Variants in DGKB observed in about 807,000 individuals in gnomAD.
The protein encoded by DGKB is 90 kDa diacylglycerol kinase.
DGKB carries 67 observed loss-of-function variants against 114.3 expected under a neutral mutation model. The ratio of observed to expected loss-of-function variants is 0.59; its 90% CI spans 0.48 to 0.72. The LOEUF is 0.72. Ranked by LOEUF, DGKB falls within the 30% of genes least tolerant of loss-of-function variation. DGKB has a pLI of 0.00. For synonymous variants in DGKB, 398 were observed against 323.1 expected, an observed-to-expected ratio of 1.23 and a Z score of -2.49; for missense variants, 907 against 975.2, an observed-to-expected ratio of 0.93 and a Z score of 0.93.
chr7:14,485,626 C>T (rs1055411999), intron 20 of DGKB, among the ~76,000 whole-genome samples: 1 of 151,608 alleles, frequency 6.6e-6, no homozygotes, highest in African/African-American at 2.4e-5. Context: ...TGGCCGGGTG[C>T]GGTGGCTCAC....
intron 23 of DGKB, among the ~76,000 whole-genome samples, chr7:14,211,093 C>T (rs933922132): frequency 1.3e-5 from 2 of 152,006 alleles, no homozygotes; most frequent in African/African-American, 4.8e-5. Flanking sequence ...ACTGTGTTCT[C>T]CTACTCACCT....
At chr7:14,463,251 G>A (rs1833350554) in intron 21 of DGKB, among the ~76,000 whole-genome samples, 1 of 152,032 alleles carries the variant, frequency 6.6e-6, no homozygotes, top group South Asian at 2.1e-4. Context: ...AGGGGGTGGG[G>A]GGCCTAGGGA....
intron 21 of DGKB, among the ~76,000 whole-genome samples, chr7:14,358,541 A>G (rs1815051328): frequency 2.0e-5 from 3 of 152,172 alleles, no homozygotes; most frequent in Non-Finnish European, 4.4e-5. Context: ...ACATGATTGT[A>G]TATTTAGAAA....
At chr7:14,696,501 C>CAAA (rs35486620) in intron 8 of DGKB, among the ~76,000 whole-genome samples, 549 of 45,094 alleles carry the variant, frequency 0.012, 35 homozygotes, top group East Asian at 0.019. Context: ...GACTCCGTCT[C>CAAA]AAAAAAAAAA....
intron 2 of DGKB, among the ~76,000 whole-genome samples, chr7:14,769,113 GAAAGAAAGAA>G (rs1158113616): frequency 1.9e-4 from 22 of 114,300 alleles, no homozygotes; most frequent in South Asian, 2.8e-4. Context: ...AAGAAAGAAA[GAAAGAAAGAA>G]AGAGAGAGAG....
At chr7:14,922,427 T>C (rs1050399574) in intron 1 of DGKB, among the ~76,000 whole-genome samples, 2 of 149,362 alleles carry the variant, frequency 1.3e-5, no homozygotes, top group African/African-American at 5.0e-5. Flanking sequence ...TCAGACTTAT[T>C]AGGGGAGTAG....
At chr7:14,476,909 C>T (rs570353061) in intron 21 of DGKB, among the ~76,000 whole-genome samples, 7 of 152,050 alleles carry the variant, frequency 4.6e-5, no homozygotes, top group African/African-American at 1.7e-4. Context: ...CACCCACCAC[C>T]ACGCCCTCAT....
intron 21 of DGKB, among the ~76,000 whole-genome samples, chr7:14,346,244 A>C (rs1812453826): frequency 6.6e-6 from 1 of 151,872 alleles, no homozygotes; most frequent in Non-Finnish European, 1.5e-5. Flanking sequence ...TTGACAATTA[A>C]AAAGACATTT....
intron 21 of DGKB, among the ~76,000 whole-genome samples, chr7:14,418,392 TAC>T (rs68166303): frequency 7.3e-6 from 1 of 137,070 alleles, no homozygotes; most frequent in African/African-American, 2.8e-5. Context: ...TATATATATA[TAC>T]ACACACACAT....
chr7:14,946,097 T>A (rs562343253), intron 1 of DGKB, among the ~76,000 whole-genome samples: 1 of 150,440 alleles, frequency 6.6e-6, no homozygotes, highest in South Asian at 2.1e-4. Flanking sequence ...ATGGGTATTC[T>A]TGAGATCTCT....
At chr7:14,813,915 T>C (rs1418576867) in intron 2 of DGKB, among the ~76,000 whole-genome samples, 1 of 152,192 alleles carries the variant, frequency 6.6e-6, no homozygotes, top group African/African-American at 2.4e-5. Flanking sequence ...ATGAACAATT[T>C]TGAAAATTTC....
chr7:14,284,204 A>G (rs1016837917), intron 23 of DGKB, among the ~76,000 whole-genome samples: 4 of 150,846 alleles, frequency 2.7e-5, no homozygotes, highest in Middle Eastern at 3.4e-3. Context: ...GGCGAAGGAC[A>G]TGAACAGACA....
At chr7:14,502,251 G>A (rs1786307927) in intron 20 of DGKB, among the ~76,000 whole-genome samples, 1 of 151,914 alleles carries the variant, frequency 6.6e-6, no homozygotes, top group Non-Finnish European at 1.5e-5. Context: ...TTACCTTCAT[G>A]TTTTGAGATG....
At chr7:14,528,228 T>A (rs1790961066) in intron 20 of DGKB, among the ~76,000 whole-genome samples, 2 of 152,256 alleles carry the variant, frequency 1.3e-5, no homozygotes, top group South Asian at 4.1e-4. Context: ...CACTGACAGC[T>A]GCTCTCACCT....
intron 15 of DGKB, among the ~76,000 whole-genome samples, chr7:14,613,827 G>T (rs967510260): frequency 2.6e-5 from 4 of 152,050 alleles, no homozygotes; most frequent in Non-Finnish European, 4.4e-5. Flanking sequence ...TTTTACGCAG[G>T]AGTCCTAATT....
intron 2 of DGKB, among the ~76,000 whole-genome samples, chr7:14,828,652 T>C (rs1562647737): frequency 6.6e-6 from 1 of 152,098 alleles, no homozygotes; most frequent in Admixed American, 6.6e-5. Flanking sequence ...TTGGATTTGC[T>C]TGGGTTCTGG....
intron 14 of DGKB, among the ~76,000 whole-genome samples, chr7:14,627,758 A>G (rs1028224584): frequency 2.6e-5 from 4 of 152,010 alleles, no homozygotes; most frequent in African/African-American, 4.8e-5. Context: ...CCTGGCCAAC[A>G]TGGTGAAACC....
At chr7:14,150,375 A>T (rs986035734) in intron 25 of DGKB, among the ~76,000 whole-genome samples, 1 of 152,142 alleles carries the variant, frequency 6.6e-6, no homozygotes, top group African/African-American at 2.4e-5. Flanking sequence ...TTCACTTGTC[A>T]TTCACTAATA....
intron 25 of DGKB, among the ~76,000 whole-genome samples, chr7:14,152,739 A>G (rs943922541): frequency 7.9e-5 from 12 of 152,158 alleles, no homozygotes; most frequent in Non-Finnish European, 1.2e-4. Context: ...ATCAAAGATT[A>G]CAAAGCATAG....
Sources: gnomAD v4.1 joint callset for allele counts (sites outside exome capture counted in the v4.1 genomes callset) on GRCh38, gnomAD v4.1.1 for gene constraint, MANE v1.5 for transcripts, NCBI Gene and HGNC (gene_info 2026-07-23, HGNC 2026-07-21) for gene names.